TYW1: variants seen among roughly 807,000 people sequenced by gnomAD.
The protein encoded by TYW1 is tRNA-yW synthesizing protein 1 homolog, also known as S-adenosyl-L-methionine-dependent tRNA 4-demethylwyosine synthase TYW1.
Under a neutral mutation model 96.2 loss-of-function variants are expected in TYW1, and 46 were observed. The ratio of observed to expected loss-of-function variants is 0.48; its 90% confidence interval spans 0.38 to 0.61. TYW1 has a LOEUF of 0.61. TYW1 is among the 20% of genes least tolerant of loss of function. The probability of loss-of-function intolerance (pLI) is 0.00; values close to 1 mark genes in which losing one functional copy is unlikely to be tolerated. For synonymous variants in TYW1, 274 were observed against 323.0 expected (o/e 0.85, Z 1.63); for missense variants, 684 against 909.6 (o/e 0.75, Z 3.19).
At position 67,029,432 on chromosome 7, in the gene TYW1, T is replaced by A. The variant is rs187817911; in HGVS notation, c.984+4410T>A. On this transcript the variant is annotated intron_variant, in intron 7 of 15. Transcript: ENST00000359626. ...GTGTGTGTGTATATATATATATATA[T>A]AAATAGTATTTTCTAGCTGGGTTCA... 9.1e-3 allele frequency among the ~76,000 whole-genome samples: 1,271 copies of A among 139,120 alleles called. 42 individuals are homozygous for A. Among genetic ancestry groups the A allele is most frequent in the African/African-American group, 0.027 (1,043 of 38,742 alleles). The allele number at this position is 139,120 out of a possible 152,430, so 91.3% of individuals were successfully genotyped here. A position where few individuals can be genotyped will look rare whatever the true frequency, so the allele number is the denominator to read the frequency against.
In TYW1 at chr7:67,098,708, G is replaced by A. The variant is rs759478698; in HGVS notation, c.1552G>A (p.Ala518Thr). ...CCTGGTCACAAACGCACAATTTCCTGCGGAAATCAGGTGAGTTCTCCAGCC... is the reference window on the plus strand; with the variant it reads ...CCTGGTCACAAACGCACAATTTCCTACGGAAATCAGGTGAGTTCTCCAGCC... ...SFLVTNAQFP[A>T]EIRNLEPVTQ... Residue 518 changes from alanine (A) to threonine (T), a missense_variant, in exon 12 of 16, where the codon GCG (alanine) becomes ACG (threonine). Physicochemically the swap from Ala to Thr is moderately conservative, Grantham distance 58. Transcript: ENST00000359626. 10 of 1,613,564 alleles carry A rather than the reference G, an allele frequency of 6.2e-6. No homozygotes were observed. The Middle Eastern group carries it at 5.0e-4, about 80-fold the overall frequency.
chr7:67,155,166 C>T (rs924640554), intron 13 of TYW1, among the ~76,000 whole-genome samples: 4 of 152,038 alleles, frequency 2.6e-5, no homozygotes, highest in African/African-American at 9.7e-5. Context: ...TGGAGAATTA[C>T]GATTTTCCTT....
intron 12 of TYW1, among the ~76,000 whole-genome samples, chr7:67,100,933 C>G (rs189725231): frequency 2.0e-3 from 310 of 151,654 alleles, no homozygotes; most frequent in African/African-American, 6.8e-3. Context: ...TATTCTGAAC[C>G]TGGGAGGGAC....
chr7:67,124,881 C>G (rs1268536754), intron 13 of TYW1, among the ~76,000 whole-genome samples: 1 of 152,150 alleles, frequency 6.6e-6, no homozygotes, highest in Non-Finnish European at 1.5e-5. Flanking sequence ...GTTGCCCAGG[C>G]TGGAGTGCAA....
chr7:67,026,730 C>T (rs1465869243), intron 7 of TYW1, among the ~76,000 whole-genome samples: 2 of 151,360 alleles, frequency 1.3e-5, no homozygotes, highest in African/African-American at 2.4e-5. Context: ...CTTGCTCTGT[C>T]AAGACTCCCA....
At chr7:67,213,837 C>G in intron 15 of TYW1, among the ~76,000 whole-genome samples, 1 of 152,124 alleles carries the variant, frequency 6.6e-6, no homozygotes, top group South Asian at 2.1e-4. Flanking sequence ...TTGTGTGAAT[C>G]TATTTCTGGC....
At chr7:67,176,146 TAGAAA>T (rs1244035933) in intron 13 of TYW1, among the ~76,000 whole-genome samples, 1 of 152,088 alleles carries the variant, frequency 6.6e-6, no homozygotes, top group African/African-American at 2.4e-5. Flanking sequence ...AGAGGAAAAA[TAGAAA>T]AGATACTACC....
At chr7:67,034,628 C>T (rs562590088) in intron 7 of TYW1, among the ~76,000 whole-genome samples, 1 of 152,200 alleles carries the variant, frequency 6.6e-6, no homozygotes, top group African/African-American at 2.4e-5. Context: ...CTACAGACTG[C>T]TTTTCTTTCG....
chr7:67,157,395 C>A (rs1193542091), intron 13 of TYW1, among the ~76,000 whole-genome samples: 1 of 152,156 alleles, frequency 6.6e-6, no homozygotes, highest in Non-Finnish European at 1.5e-5. Flanking sequence ...AAGCAATTCT[C>A]CTGCCTCAGC....
chr7:67,040,811 T>C (rs1289447554), intron 7 of TYW1, among the ~76,000 whole-genome samples: 3 of 151,712 alleles, frequency 2.0e-5, no homozygotes, highest in Non-Finnish European at 4.4e-5. Flanking sequence ...GCCACTGCAC[T>C]CCAGCCTGGG....
At chr7:67,078,761 C>G (rs1023732110) in intron 10 of TYW1, among the ~76,000 whole-genome samples, 10 of 152,014 alleles carry the variant, frequency 6.6e-5, no homozygotes, top group Admixed American at 1.3e-4. Context: ...GGCACAATCT[C>G]GGTTCACTGC....
intron 13 of TYW1, among the ~76,000 whole-genome samples, chr7:67,176,534 C>A (rs1799674815): frequency 6.6e-6 from 1 of 152,042 alleles, no homozygotes; most frequent in South Asian, 2.1e-4. Flanking sequence ...TTGATTTCTT[C>A]TTGAGTTGAT....
chr7:67,069,035 CTTAAT>C (rs1203147090), intron 10 of TYW1, among the ~76,000 whole-genome samples: 11 of 152,152 alleles, frequency 7.2e-5, no homozygotes, highest in African/African-American at 2.7e-4. Flanking sequence ...AATGTCATCT[CTTAAT>C]TTATCTCCAT....
At chr7:67,088,412 C>A (rs1796613473) in intron 11 of TYW1, among the ~76,000 whole-genome samples, 1 of 151,782 alleles carries the variant, frequency 6.6e-6, no homozygotes, top group Non-Finnish European at 1.5e-5. Flanking sequence ...GAATCCAGAG[C>A]CCTTCTGGAA....
At chr7:67,055,995 T>G (rs1489491848) in intron 9 of TYW1, 108 bp downstream of exon 9, 1 of 829,604 alleles carries the variant, frequency 1.2e-6, no homozygotes, top group Non-Finnish European at 1.8e-6. Flanking sequence ...TTACATTTAA[T>G]TTGCACAGAT....
rs1219374462 is a variant in TYW1 at position 67,072,963 on chromosome 7, T to TTTTTTTTTTTTTTTTTTTTG, written c.1274+5561_1274+5562insTTTTTTTTTTTTTTTTTTGT. Among the ~76,000 whole-genome samples the TTTTTTTTTTTTTTTTTTTTG allele has an allele frequency of 6.7e-5, 8 of 118,684 alleles. 1 individual carries two copies. Among genetic ancestry groups the TTTTTTTTTTTTTTTTTTTTG allele is most frequent in the African/African-American group, 2.8e-4 (8 of 29,022 alleles). The allele number at this position is 118,684 out of a possible 152,430, so 77.9% of individuals were successfully genotyped here. ...TTTTTTTTTTTTTTTTTTTTTTTTT[T>TTTTTTTTTTTTTTTTTTTTG]TATAGAGACAGGGTCTTGCTATGTT... On this transcript the variant is annotated intron_variant, in intron 10 of 15. Coordinates refer to ENST00000359626, the MANE Select transcript of TYW1 (RefSeq NM_018264.4).
rs774639245 is a variant in TYW1 at position 67,083,550 on chromosome 7, T to C, written c.1384+11T>C. 2 of 1,613,824 alleles carry C rather than the reference T, an allele frequency of 1.2e-6. No homozygotes were observed. Among genetic ancestry groups the C allele is most frequent in the South Asian group, 2.2e-5 (2 of 91,062 alleles). Reference sequence around the variant, plus strand: ...TTAAGCAGTTTAAAGGTATTTATCTTCCCTCTACAAAGGAATGCTAATACC... The same window carrying C: ...TTAAGCAGTTTAAAGGTATTTATCTCCCCTCTACAAAGGAATGCTAATACC... On this transcript the variant is annotated intron_variant, in intron 11 of 15. Coordinates refer to ENST00000359626, the MANE Select transcript of TYW1 (RefSeq NM_018264.4).
rs1224490039 is a variant in TYW1, at chr7:67,017,975, A to C, written c.693A>C (p.Ala231=). 3 of 1,614,042 alleles carry C rather than the reference A, an allele frequency of 1.9e-6. No homozygotes were observed. The highest frequency in any genetic ancestry group is 4.5e-5 in the East Asian group (2 of 44,890). The change falls in exon 6 of 16, where the codon GCA becomes GCC. Residue 231 remains alanine, a synonymous_variant. Coordinates refer to ENST00000359626, the MANE Select transcript of TYW1 (RefSeq NM_018264.4). ...GCAGCATTGAGGCCGACTTCAGAGC[A>C]TGGAAGACCAAGTTCATCTCCCAGC... ...KHGSIEADFR[A]WKTKFISQLQ... is the part of the protein sequence containing the mutation.
At chr7:67,167,759 T>G (rs1038521734) in intron 13 of TYW1, among the ~76,000 whole-genome samples, 17 of 151,972 alleles carry the variant, frequency 1.1e-4, no homozygotes, top group Non-Finnish European at 1.8e-4. Flanking sequence ...TTTATTTATA[T>G]TTATTGATTG....
Sources: allele counts gnomAD v4.1 joint callset (sites outside exome capture counted in the v4.1 genomes callset), GRCh38; gene constraint gnomAD v4.1.1; transcripts MANE v1.5; gene names NCBI Gene and HGNC (gene_info 2026-07-23, HGNC 2026-07-21).